The following CDK17 variants were observed in gnomAD, a reference collection of about 807,000 sequenced individuals.
CDK17 encodes the protein cyclin dependent kinase 17, also known as cyclin-dependent kinase 17.
A neutral mutation model predicts 77.6 loss-of-function variants in CDK17; 24 were observed. That is an observed-to-expected ratio of 0.31 (90% confidence interval 0.22 to 0.44). The LOEUF (loss-of-function observed/expected upper bound fraction) is 0.44. Ranked by LOEUF, CDK17 falls within the 20% of genes least tolerant of loss-of-function variation. The probability of loss-of-function intolerance (pLI) is 1.00; values close to 1 mark genes in which losing one functional copy is unlikely to be tolerated. For missense variants in CDK17, 429 were observed against 622.5 expected (o/e 0.69, Z 3.31); for synonymous variants, 203 against 210.4 (o/e 0.96, Z 0.30).
chr12:96,298,857 T>A lies in CDK17; in HGVS notation c.715+12A>T. ...CACTTTGATTTTAAAATGTTCTGTA[T>A]AATTATTATACCTTCTCTTATAGCT... On this transcript the variant is annotated intron_variant, in intron 7 of 16. Coordinates refer to ENST00000261211, the MANE Select transcript of CDK17 (RefSeq NM_002595.5). 1 of 1,415,384 alleles carries A rather than the reference T, an allele frequency of 7.1e-7. No homozygotes were observed. Among genetic ancestry groups the A allele is most frequent in the Non-Finnish European group, 9.9e-7 (1 of 1,012,566 alleles). The allele number at this position is 1,415,384 out of a possible 1,614,324, so 87.7% of individuals were successfully genotyped here.
At chr12:96,299,372 T>C (rs2137084420) in intron 6 of CDK17, among the ~76,000 whole-genome samples, 1 of 148,632 alleles carries the variant, frequency 6.7e-6, no homozygotes, top group Middle Eastern at 3.4e-3. Flanking sequence ...ATAATGTACA[T>C]ATTGTTAAAT....
chr12:96,320,053 T>A (rs1237298989), intron 3 of CDK17, among the ~76,000 whole-genome samples: 1 of 152,124 alleles, frequency 6.6e-6, no homozygotes, highest in Non-Finnish European at 1.5e-5. Context: ...AACCCCATCG[T>A]CTCAGCCCAA....
In CDK17 at chr12:96,289,276, C is replaced by T; in HGVS notation, c.1009G>A (p.Ala337Thr). The T allele has an allele frequency of 6.2e-7, 1 of 1,613,830 alleles. No individual in the cohort carries two copies. Among genetic ancestry groups the T allele is most frequent in the Non-Finnish European group, 8.5e-7 (1 of 1,179,796 alleles). ...LKLADFGLAR[A>T]KSVPTKTYSN... ...TAGGTCTTTGTGGGAACTGACTTGG[C>T]TCGGGCTAGTCCTTCATAGGGAAAA... The change falls in exon 11 of 17, where the codon GCC becomes ACC. Residue 337 changes from alanine (A) to threonine (T), a missense_variant. By Grantham distance (58) the Ala-to-Thr change is moderately conservative. Transcript: ENST00000261211.
chr12:96,384,865 C>T (rs1953947066), intron 1 of CDK17, among the ~76,000 whole-genome samples: 2 of 151,702 alleles, frequency 1.3e-5, no homozygotes, highest in Non-Finnish European at 2.9e-5. Flanking sequence ...TCAAAGTTAG[C>T]CAGGTGTGGT....
chr12:96,309,445 G>T (rs911082559), intron 5 of CDK17, among the ~76,000 whole-genome samples: 4 of 152,168 alleles, frequency 2.6e-5, no homozygotes, highest in Non-Finnish European at 4.4e-5. Context: ...TCATCCAAAA[G>T]AGATTCTCAC....
At chr12:96,399,610 G>A (rs1052976680) in intron 1 of CDK17, among the ~76,000 whole-genome samples, 3 of 151,724 alleles carry the variant, frequency 2.0e-5, no homozygotes, top group Non-Finnish European at 4.4e-5. Context: ...TTTGTGTCTC[G>A]GGGGACTTTC....
At chr12:96,284,671 T>C (rs1206788074) in intron 13 of CDK17, among the ~76,000 whole-genome samples, 1 of 150,882 alleles carries the variant, frequency 6.6e-6, no homozygotes, top group East Asian at 2.0e-4. Context: ...TTCACGTGAT[T>C]CTCCTGCCTC....
rs181411542 is a variant in CDK17 at position 96,384,454 on chromosome 12, T to G, written c.-30+15532A>C. Reference sequence around the variant, plus strand: ...TCATTTTATCAAAAAGACTCATGTATTCATAGGTTTATGGCGGCACTATTC... The same window carrying G: ...TCATTTTATCAAAAAGACTCATGTAGTCATAGGTTTATGGCGGCACTATTC... On this transcript the variant is annotated intron_variant, in intron 1 of 16. Coordinates refer to ENST00000261211, the MANE Select transcript of CDK17 (RefSeq NM_002595.5). 3.9e-5 allele frequency among the ~76,000 whole-genome samples: 6 copies of G among 152,314 alleles called. No homozygotes were observed. In the East Asian group the frequency reaches 1.2e-3, roughly 29 times the overall value.
chr12:96,341,035 CTT>C (rs1272821245), intron 1 of CDK17, among the ~76,000 whole-genome samples: 1 of 152,116 alleles, frequency 6.6e-6, no homozygotes, highest in Non-Finnish European at 1.5e-5. Context: ...TTGATCCCCT[CTT>C]TGTGTCCATG....
rs1053291462 is a variant in CDK17 at position 96,311,064 on chromosome 12, A to G, written c.531T>C (p.Arg177=). 5 of 1,599,292 alleles carry G rather than the reference A, an allele frequency of 3.1e-6. No homozygotes were observed. The highest frequency in any genetic ancestry group is 3.6e-5 in the Admixed American group (2 of 56,086). ...PFDQPMSRRS[R]RASLSEIGFG... is the part of the protein sequence containing the mutation. ...ACCAAAAACTTACTAAGGAAGCTCT[A>G]CGAGACCTTCGACTCATTGGTTGGT... Residue 177 remains arginine (R), a synonymous_variant, in exon 5 of 17, where the codon CGT becomes CGC. Coordinates refer to ENST00000261211, the MANE Select transcript of CDK17 (RefSeq NM_002595.5).
At chr12:96,358,239 T>A (rs1479524739) in intron 1 of CDK17, among the ~76,000 whole-genome samples, 1 of 151,902 alleles carries the variant, frequency 6.6e-6, no homozygotes, top group Non-Finnish European at 1.5e-5. Context: ...GTTAAGTTAC[T>A]GACAATAAGA....
At chr12:96,381,537 G>T (rs2137228318) in intron 1 of CDK17, among the ~76,000 whole-genome samples, 1 of 152,090 alleles carries the variant, frequency 6.6e-6, no homozygotes, top group Middle Eastern at 3.4e-3. Flanking sequence ...CTAGTGAGCT[G>T]AAAGGATCAT....
At chr12:96,283,222 A>G (rs1160234099) in intron 14 of CDK17, among the ~76,000 whole-genome samples, 1 of 152,112 alleles carries the variant, frequency 6.6e-6, no homozygotes, top group Non-Finnish European at 1.5e-5. Context: ...GGCTGGTACT[A>G]CCCTTATCGT....
At chr12:96,397,810 AATT>A (rs1321689147) in intron 1 of CDK17, among the ~76,000 whole-genome samples, 2 of 152,184 alleles carry the variant, frequency 1.3e-5, no homozygotes, top group African/African-American at 4.8e-5. Flanking sequence ...ATAAAACAAC[AATT>A]ATTAATTATA....
At chr12:96,362,149 A>G (rs1347935065) in intron 1 of CDK17, among the ~76,000 whole-genome samples, 13 of 152,230 alleles carry the variant, frequency 8.5e-5, no homozygotes, top group Admixed American at 1.3e-4. Flanking sequence ...GTGTCCTTTC[A>G]TGGACTTTTT....
chr12:96,395,074 C>A (rs1336588516), intron 1 of CDK17, among the ~76,000 whole-genome samples: 1 of 152,080 alleles, frequency 6.6e-6, no homozygotes, highest in Admixed American at 6.6e-5. Flanking sequence ...CCGGGTTTCA[C>A]CATGTTGGCC....
rs1953606636 is a variant in CDK17, at chr12:96,367,452, A to G, written c.-30+32534T>C. Among the ~76,000 whole-genome samples, 3 of 152,002 alleles carry G rather than the reference A, an allele frequency of 2.0e-5. No homozygotes were observed. The South Asian group carries it at 6.2e-4, about 32-fold the overall frequency. Reference sequence around the variant, plus strand: ...ATTTAGTGCTCACATTCTGAGCATTAGAATTTGTTACTAACAGTCGAAATA... The same window carrying G: ...ATTTAGTGCTCACATTCTGAGCATTGGAATTTGTTACTAACAGTCGAAATA... On this transcript the variant is annotated intron_variant, in intron 1 of 16. Transcript: ENST00000261211.
chr12:96,301,998 C>T (rs1952512495), intron 5 of CDK17, among the ~76,000 whole-genome samples: 1 of 152,086 alleles, frequency 6.6e-6, no homozygotes, highest in Non-Finnish European at 1.5e-5. Context: ...AAACTTTGGT[C>T]ACAGGTATTA....
chr12:96,390,622 T>C (rs1037550319), intron 1 of CDK17, among the ~76,000 whole-genome samples: 3 of 144,640 alleles, frequency 2.1e-5, no homozygotes, highest in African/African-American at 7.7e-5. Flanking sequence ...GGCAGGAGAA[T>C]CGCCTGAACC....
Sources: gnomAD v4.1 joint callset for allele counts (sites outside exome capture counted in the v4.1 genomes callset) on GRCh38, gnomAD v4.1.1 for gene constraint, MANE v1.5 for transcripts, NCBI Gene and HGNC (gene_info 2026-07-23, HGNC 2026-07-21) for gene names.